SLC16A9: variants seen among roughly 807,000 people sequenced by gnomAD.
The protein encoded by SLC16A9 is monocarboxylate transporter 9.
In SLC16A9, 26 loss-of-function variants were observed where a neutral mutation model predicts 44.3. The observed-to-expected ratio is 0.59, with a 90% confidence interval of 0.43 to 0.81. The LOEUF is 0.81. SLC16A9 is among the 40% of genes least tolerant of loss of function. The pLI, the probability that SLC16A9 is intolerant of heterozygous loss-of-function variation, is 0.00. For missense variants in SLC16A9, 559 were observed against 595.8 expected (o/e 0.94, Z 0.64); for synonymous variants, 230 against 225.1 (o/e 1.02, Z -0.19).
chr10:59,693,548 A>G (rs1476688781), intron 1 of SLC16A9, among the ~76,000 whole-genome samples: 1 of 152,208 alleles, frequency 6.6e-6, no homozygotes, highest in Non-Finnish European at 1.5e-5. Flanking sequence ...CAATTCTATA[A>G]GAATTTTCTA....
chr10:59,689,942 C>A (rs1840216534), intron 1 of SLC16A9, among the ~76,000 whole-genome samples: 1 of 152,182 alleles, frequency 6.6e-6, no homozygotes, highest in African/African-American at 2.4e-5. Flanking sequence ...ATTTGGCACT[C>A]TTTTTCATAA....
chr10:59,684,368 G>A (rs1281695633), intron 1 of SLC16A9, 41 bp from the exon 2 acceptor site: 1 of 1,246,236 alleles, frequency 8.0e-7, no homozygotes, highest in Non-Finnish European at 1.1e-6. Flanking sequence ...TATTTAGAGT[G>A]TGGTAGGGCA....
At chr10:59,672,969 T>C in intron 2 of SLC16A9, 56 bp from the exon 3 acceptor site, 1 of 1,513,090 alleles carries the variant, frequency 6.6e-7, no homozygotes, top group Non-Finnish European at 8.9e-7. Context: ...CATCATAAGT[T>C]CAAAATGATT....
At chr10:59,685,963 ACTT>A (rs772684373) in intron 1 of SLC16A9, among the ~76,000 whole-genome samples, 139 of 140,366 alleles carry the variant, frequency 9.9e-4, no homozygotes, top group Non-Finnish European at 1.7e-3. Context: ...CATAGTTTCA[ACTT>A]GCATTTCTTT....
chr10:59,663,664 G>T (rs1158021596), intron 4 of SLC16A9, among the ~76,000 whole-genome samples: 2 of 152,022 alleles, frequency 1.3e-5, no homozygotes, highest in Non-Finnish European at 2.9e-5. Context: ...TGTAGATCAT[G>T]GGTTGATGGG....
At chr10:59,683,525 T>C (rs1840068154) in intron 2 of SLC16A9, among the ~76,000 whole-genome samples, 1 of 152,202 alleles carries the variant, frequency 6.6e-6, no homozygotes, top group African/African-American at 2.4e-5. Context: ...GTGATTGGAT[T>C]GGATTGGATT....
chr10:59,653,014 C>A, intron 5 of SLC16A9, 64 bp from the exon 6 acceptor site: 1 of 1,258,048 alleles, frequency 7.9e-7, no homozygotes, highest in East Asian at 2.4e-5. Context: ...ATCCCATACC[C>A]TAATTATATC....
In SLC16A9 at chr10:59,654,059, G is replaced by A. The variant is rs965172227; in HGVS notation, c.967C>T (p.Pro323Ser). ...ILLFDIGGFP[P>S]SLLMEDVARS... The stretch of plus-strand genomic sequence containing the variant: ...GCTACATCTTCCATAAGTAATGAAG[G>A]TGGAAACCCTCCGATGTCAAAGAGT... Residue 323 changes from proline (P) to serine (S), a missense_variant, in exon 5 of 6, where the codon CCT becomes TCT. Coordinates refer to ENST00000395348, the MANE Select transcript of SLC16A9 (RefSeq NM_194298.3). The A allele has an allele frequency of 6.2e-7, 1 of 1,613,882 alleles. No homozygotes were observed. Among genetic ancestry groups the A allele is most frequent in the African/African-American group, 1.3e-5 (1 of 74,912 alleles).
At chr10:59,694,715 G>A (rs1840330567) in intron 1 of SLC16A9, among the ~76,000 whole-genome samples, 3 of 149,630 alleles carry the variant, frequency 2.0e-5, no homozygotes, top group South Asian at 2.1e-4. Context: ...CAGGAGAATC[G>A]CTTAAACCCA....
chr10:59,668,507 T>C (rs1388416411), intron 3 of SLC16A9, among the ~76,000 whole-genome samples: 5 of 152,222 alleles, frequency 3.3e-5, no homozygotes, highest in Admixed American at 3.3e-4. Context: ...CCTTTCATCA[T>C]TGCACTTATT....
chr10:59,681,181 G>A (rs1839977719), intron 2 of SLC16A9, among the ~76,000 whole-genome samples: 2 of 151,774 alleles, frequency 1.3e-5, no homozygotes, highest in South Asian at 4.2e-4. Flanking sequence ...CACTTCCAAG[G>A]TACTAATGAT....
At chr10:59,694,587 G>T (rs1401765296) in intron 1 of SLC16A9, among the ~76,000 whole-genome samples, 1 of 151,264 alleles carries the variant, frequency 6.6e-6, no homozygotes, top group Non-Finnish European at 1.5e-5. Flanking sequence ...GATCACTTGA[G>T]GCCAGGAGTT....
Position 59,670,654 on chromosome 10 carries a change from A to G in SLC16A9, c.340+2116T>C, listed in dbSNP as rs144296192. ...TTCTGCACAGAATTGCATCTTACAAATGTTACCATTAGACTGAACCGTTCT... is the reference window on the plus strand; with the variant it reads ...TTCTGCACAGAATTGCATCTTACAAGTGTTACCATTAGACTGAACCGTTCT... On this transcript the variant is annotated intron_variant, in intron 3 of 5. Transcript: ENST00000395348. 4.9e-3 allele frequency among the ~76,000 whole-genome samples: 750 copies of G among 152,304 alleles called. 6 individuals are homozygous for G. Among genetic ancestry groups the G allele is most frequent in the African/African-American group, 0.018 (729 of 41,560 alleles).
At chr10:59,673,654 G>A (rs1040048613) in intron 2 of SLC16A9, among the ~76,000 whole-genome samples, 40 of 152,276 alleles carry the variant, frequency 2.6e-4, no homozygotes, top group African/African-American at 9.6e-4. Context: ...ACACCTACCA[G>A]AATGGCTAAA....
chr10:59,656,803 T>C (rs1408523308), intron 4 of SLC16A9, among the ~76,000 whole-genome samples: 1 of 152,242 alleles, frequency 6.6e-6, no homozygotes, highest in East Asian at 1.9e-4. Flanking sequence ...AAACTGTAAT[T>C]TTTAATCTTC....
At chr10:59,662,633 C>CAAAAAAAAAAAAAAAAAAAAAAAAAAA (rs71006278) in intron 4 of SLC16A9, among the ~76,000 whole-genome samples, 2 of 43,634 alleles carry the variant, frequency 4.6e-5, no homozygotes, top group Non-Finnish European at 8.3e-5. Flanking sequence ...AACTCCATCT[C>CAAAAAAAAAAAAAAAAAAAAAAAAAAA]AAAAAAAAAA....
At chr10:59,703,143 A>G (rs1279176197) in intron 1 of SLC16A9, among the ~76,000 whole-genome samples, 1 of 152,220 alleles carries the variant, frequency 6.6e-6, no homozygotes. Context: ...TTTTTGAGAC[A>G]GGTCCTTGCT....
chr10:59,667,247 T>C (rs1010130100), intron 3 of SLC16A9, among the ~76,000 whole-genome samples: 43 of 152,186 alleles, frequency 2.8e-4, no homozygotes, highest in African/African-American at 1.0e-3. Context: ...GGAATATCTA[T>C]AATTACCTGA....
At chr10:59,706,997 C>CT (rs1339579073) in intron 1 of SLC16A9, among the ~76,000 whole-genome samples, 1 of 113,892 alleles carries the variant, frequency 8.8e-6, no homozygotes, top group Non-Finnish European at 1.7e-5. Context: ...GAAACTCCAT[C>CT]TCAAAAAAAA....
Sources: gnomAD v4.1 joint callset for allele counts (sites outside exome capture counted in the v4.1 genomes callset) on GRCh38, gnomAD v4.1.1 for gene constraint, MANE v1.5 for transcripts, NCBI Gene and HGNC (gene_info 2026-07-23, HGNC 2026-07-21) for gene names.